Variants in MFAP3L observed in about 807,000 individuals in gnomAD.
MFAP3L encodes microfibril associated protein 3 like.
MFAP3L carries 5 observed loss-of-function variants against 20.0 expected under a neutral mutation model. The observed-to-expected ratio is 0.25, with a 90% CI of 0.13 to 0.53. MFAP3L has a LOEUF of 0.53. MFAP3L is among the 20% of genes least tolerant of loss of function. The pLI, the probability that MFAP3L is intolerant of heterozygous loss-of-function variation, is 0.96. For missense variants in MFAP3L, 409 were observed against 527.5 expected, an observed-to-expected ratio of 0.78 and a Z score of 2.20; for synonymous variants, 219 against 213.0, an observed-to-expected ratio of 1.03 and a Z score of -0.25.
intron 2 of MFAP3L, chr4:170,003,814 A>T: frequency 1.0e-6 from 1 of 985,442 alleles, no homozygotes; most frequent in Non-Finnish European, 1.2e-6. Context: ...CTTTGTTACC[A>T]TGGCTATTGC....
rs542397990 is a variant in MFAP3L, at chr4:170,023,263, C to T, written c.-134+2971G>A. ...GTTTTATTTGTCCTCAAGCATATCT[C>T]CCTGACTCGACTGTGACTTACTCTT... is the stretch of plus-strand genomic sequence containing the variant. On this transcript the variant is annotated intron_variant, in intron 1 of 2. Coordinates refer to ENST00000361618, the MANE Select transcript of MFAP3L (RefSeq NM_021647.8). Among the ~76,000 whole-genome samples, 7 of 151,894 alleles carry T rather than the reference C, an allele frequency of 4.6e-5. No individual in the cohort carries two copies. In the South Asian group the frequency reaches 1.5e-3, roughly 32 times the overall value.
intron 1 of MFAP3L, among the ~76,000 whole-genome samples, chr4:170,007,876 G>C (rs1739145455): frequency 6.6e-6 from 1 of 152,098 alleles, no homozygotes; most frequent in Non-Finnish European, 1.5e-5. Flanking sequence ...GGCAGGTTGG[G>C]AGATGGGTTC....
At position 169,991,299 on chromosome 4, in the gene MFAP3L, G is replaced by A. The variant is rs1737643431; in HGVS notation, c.*79C>T. 7.0e-7 allele frequency: 1 copy of A among 1,433,232 alleles called. No individual in the cohort carries two copies. The highest frequency in any genetic ancestry group is 2.1e-5 in the Admixed American group (1 of 48,310). The allele number at this position is 1,433,232 out of a possible 1,614,324, so 88.8% of individuals were successfully genotyped here. On this transcript the variant is annotated 3_prime_UTR_variant, in exon 3 of 3. Coordinates refer to ENST00000361618, the MANE Select transcript of MFAP3L (RefSeq NM_021647.8). The surrounding 1 kb of genome is among the most constrained non-coding windows in gnomAD (Gnocchi z 4.9). ...GATGAGAGTCTCCTGGTAAGGCTTA[G>A]CGGCAAGTGCGTACTACATCTGTAT...
intron 1 of MFAP3L, among the ~76,000 whole-genome samples, chr4:170,011,883 G>A (rs903344847): frequency 4.6e-5 from 7 of 152,330 alleles, no homozygotes; most frequent in Admixed American, 3.3e-4. Context: ...GACCAGGGGA[G>A]AGAAGCTGAC....
chr4:169,992,406 G>A lies in MFAP3L; in HGVS notation c.299-97C>T. 1.8e-6 allele frequency: 2 copies of A among 1,082,818 alleles called. No homozygotes were observed. The highest frequency in any genetic ancestry group is 2.7e-6 in the Non-Finnish European group (2 of 747,634). 67.1% of individuals were successfully genotyped at this position (1,082,818 alleles called of 1,614,324 possible). ...AAGAACATCTATGAACATCTATGAAGAACATCTATGAAGTCTATGAACGTC... is the reference window on the plus strand; with the variant it reads ...AAGAACATCTATGAACATCTATGAAAAACATCTATGAAGTCTATGAACGTC... On this transcript the variant is annotated intron_variant, in intron 2 of 2. Coordinates refer to ENST00000361618, the MANE Select transcript of MFAP3L (RefSeq NM_021647.8). This position sits in a 1 kb window ranked among gnomAD's most constrained non-coding sequence, Gnocchi z 4.3.
At chr4:170,009,159 C>T (rs11736235) in intron 1 of MFAP3L, among the ~76,000 whole-genome samples, 9,398 of 151,992 alleles carry the variant, frequency 0.062, 405 homozygotes, top group Non-Finnish European at 0.094. Context: ...CTGACGCAGG[C>T]GGATCACGAG....
intron 2 of MFAP3L, among the ~76,000 whole-genome samples, chr4:169,999,777 TA>T (rs1247956866): frequency 6.6e-6 from 1 of 152,212 alleles, no homozygotes; most frequent in East Asian, 1.9e-4. Flanking sequence ...TTAACCTTAG[TA>T]AATTAAACTG....
chr4:169,994,732 T>C (rs1738009028), intron 2 of MFAP3L, among the ~76,000 whole-genome samples: 1 of 152,224 alleles, frequency 6.6e-6, no homozygotes. Flanking sequence ...GTGGTTCATT[T>C]TGGGGAAATC....
Position 169,997,682 on chromosome 4 carries a change from G to A in MFAP3L, c.299-5373C>T, listed in dbSNP as rs981731753. 16 of 982,760 alleles carry A rather than the reference G, an allele frequency of 1.6e-5. 1 individual carries two copies. Among genetic ancestry groups the A allele is most frequent in the East Asian group, 1.1e-4 (1 of 8,788 alleles). The allele number at this position is 982,760 out of a possible 1,614,324, so 60.9% of individuals were successfully genotyped here. Reference sequence around the variant, plus strand: ...GACATTGTTGGCAGTGGAAAGTGACGGCTGCCTGGCTGGGTAGGTATAAGG... The same window carrying A: ...GACATTGTTGGCAGTGGAAAGTGACAGCTGCCTGGCTGGGTAGGTATAAGG... On this transcript the variant is annotated intron_variant, in intron 2 of 2. Coordinates refer to ENST00000361618, the MANE Select transcript of MFAP3L (RefSeq NM_021647.8).
At chr4:169,993,240 G>C (rs1737868099) in intron 2 of MFAP3L, among the ~76,000 whole-genome samples, 1 of 152,296 alleles carries the variant, frequency 6.6e-6, no homozygotes, top group East Asian at 1.9e-4. Flanking sequence ...CAGGGTGTTA[G>C]GTCTGAGCCC....
In MFAP3L at chr4:170,026,247, G is replaced by A. The variant is rs1447989322; in HGVS notation, c.-147C>T. 1 of 984,570 alleles carries A rather than the reference G, an allele frequency of 1.0e-6. No individual in the cohort carries two copies. The highest frequency in any genetic ancestry group is 1.2e-6 in the Non-Finnish European group (1 of 829,688). The allele number at this position is 984,570 out of a possible 1,614,324, so 61.0% of individuals were successfully genotyped here. On this transcript the variant is annotated 5_prime_UTR_variant, in exon 1 of 3. Coordinates refer to ENST00000361618, the MANE Select transcript of MFAP3L (RefSeq NM_021647.8). Reference sequence around the variant, plus strand: ...GCCCCCGCTAACCTGACACCGCCGCGCCACTCAGGTGGCCGCCGTGCACCC... The same window carrying A: ...GCCCCCGCTAACCTGACACCGCCGCACCACTCAGGTGGCCGCCGTGCACCC...
rs1181688901 is a variant in MFAP3L at position 169,990,819 on chromosome 4, CAA to C, written c.*557_*558del. 6.5e-6 allele frequency: 1 copy of C among 153,316 alleles called. No individual in the cohort carries two copies. Among genetic ancestry groups the C allele is most frequent in the Non-Finnish European group, 1.5e-5 (1 of 68,912 alleles). The allele number at this position is 153,316 out of a possible 1,614,324, so 9.5% of individuals were successfully genotyped here. A position where few individuals can be genotyped will look rare whatever the true frequency, so the allele number is the denominator to read the frequency against. ...CAGCCCTGGTACTGGTGACTGATAC[CAA>C]AGTCTCTGAGGTACGTGTTCTAGGG... On this transcript the variant is annotated 3_prime_UTR_variant, in exon 3 of 3. Transcript: ENST00000361618.
chr4:170,000,185 T>C (rs1738514208), intron 2 of MFAP3L, among the ~76,000 whole-genome samples: 1 of 152,216 alleles, frequency 6.6e-6, no homozygotes, highest in Non-Finnish European at 1.5e-5. Context: ...ACCCTTTGTA[T>C]GCAGAAGTGA....
In MFAP3L at chr4:169,991,477, C is replaced by T. The variant is rs1349720380; in HGVS notation, c.1131G>A (p.Glu377=). The change falls in exon 3 of 3, where the codon GAG becomes GAA. Residue 377 remains glutamate, a synonymous_variant. Transcript: ENST00000361618. This position sits in a 1 kb window ranked among gnomAD's most constrained non-coding sequence, Gnocchi z 4.9. ...CTGGCGGCAGTACCTTATCTGGTAC[C>T]TCAACAGGTGTTGGCTCTTCAGATG... is the stretch of plus-strand genomic sequence containing the variant. The part of the protein sequence containing the change: ...ELTSEEPTPV[E]VPDKVLPPAY... 2 of 1,614,108 alleles carry T rather than the reference C, an allele frequency of 1.2e-6. No individual in the cohort carries two copies. Among genetic ancestry groups the T allele is most frequent in the Non-Finnish European group, 1.7e-6 (2 of 1,180,022 alleles).
intron 1 of MFAP3L, among the ~76,000 whole-genome samples, chr4:170,024,763 A>G (rs1351595508): frequency 6.6e-6 from 1 of 152,170 alleles, no homozygotes; most frequent in Non-Finnish European, 1.5e-5. Flanking sequence ...GCATCACAGG[A>G]CAGAGCCAAC....
intron 2 of MFAP3L, among the ~76,000 whole-genome samples, chr4:170,001,320 CA>C (rs1738600201): frequency 6.6e-6 from 1 of 152,210 alleles, no homozygotes; most frequent in African/African-American, 2.4e-5. Flanking sequence ...AAACTAGAGG[CA>C]AAATTTATAA....
At chr4:170,024,783 G>A (rs1460161435) in intron 1 of MFAP3L, among the ~76,000 whole-genome samples, 1 of 152,122 alleles carries the variant, frequency 6.6e-6, no homozygotes, top group South Asian at 2.1e-4. Context: ...CTCTATACTG[G>A]GGGAAATCAC....
intron 1 of MFAP3L, among the ~76,000 whole-genome samples, chr4:170,022,836 C>T (rs555173429): frequency 1.4e-4 from 21 of 152,188 alleles, no homozygotes; most frequent in Non-Finnish European, 2.6e-4. Context: ...TCCCCTAGGG[C>T]TTCCCAAAGG....
At chr4:170,018,615 A>G (rs1036214224) in intron 1 of MFAP3L, among the ~76,000 whole-genome samples, 8 of 152,248 alleles carry the variant, frequency 5.3e-5, no homozygotes, top group African/African-American at 1.7e-4. Flanking sequence ...ACCAGCCTCC[A>G]TTAAGGCAAA....
Sources: gnomAD v4.1 joint callset for allele counts (sites outside exome capture counted in the v4.1 genomes callset) on GRCh38, gnomAD v4.1.1 for gene constraint, Gnocchi (gnomAD v3.1) non-coding constraint, MANE v1.5 for transcripts, NCBI Gene and HGNC (gene_info 2026-07-23, HGNC 2026-07-21) for gene names.